The following TMEM178B variants were observed in gnomAD, a reference collection of about 807,000 sequenced individuals.
TMEM178B encodes transmembrane protein 178B.
Under a neutral mutation model 31.0 loss-of-function variants are expected in TMEM178B, and 5 were observed. That is an observed-to-expected ratio of 0.16 (90% CI 0.08 to 0.34). The LOEUF (loss-of-function observed/expected upper bound fraction) is 0.34. Ranked by LOEUF, TMEM178B falls within the 10% of genes least tolerant of loss-of-function variation. TMEM178B has a pLI of 1.00. For synonymous variants in TMEM178B, 164 were observed against 164.0 expected (o/e 1.00, Z 0.00); for missense variants, 275 against 400.3 (o/e 0.69, Z 2.67).
chr7:141,223,827 CT>C (rs1797296048), intron 2 of TMEM178B, among the ~76,000 whole-genome samples: 1 of 152,156 alleles, frequency 6.6e-6, no homozygotes, highest in Non-Finnish European at 1.5e-5. Flanking sequence ...TTCTGTAAGT[CT>C]GTGTGATAGC....
chr7:141,236,845 C>A (rs1037001138), intron 2 of TMEM178B, among the ~76,000 whole-genome samples: 1 of 151,986 alleles, frequency 6.6e-6, no homozygotes, highest in African/African-American at 2.4e-5. Flanking sequence ...ACTGTGCAGG[C>A]CAAAAAGTAA....
intron 1 of TMEM178B, among the ~76,000 whole-genome samples, chr7:141,168,559 G>A (rs1796297081): frequency 6.6e-6 from 1 of 152,188 alleles, no homozygotes; most frequent in South Asian, 2.1e-4. Flanking sequence ...AACACTTGAG[G>A]TCAGGAGTTT....
chr7:141,216,849 G>A (rs1475307818), intron 2 of TMEM178B, among the ~76,000 whole-genome samples: 1 of 152,064 alleles, frequency 6.6e-6, no homozygotes, highest in African/African-American at 2.4e-5. Context: ...CTGGGGTGCA[G>A]TGCAAAGCGA....
At chr7:141,205,945 C>T (rs916718557) in intron 1 of TMEM178B, among the ~76,000 whole-genome samples, 3 of 152,196 alleles carry the variant, frequency 2.0e-5, no homozygotes, top group South Asian at 2.1e-4. Flanking sequence ...TTCCATACAT[C>T]AGAGCTCTTG....
chr7:141,110,453 T>C (rs1269650864), intron 1 of TMEM178B, among the ~76,000 whole-genome samples: 3 of 152,200 alleles, frequency 2.0e-5, no homozygotes, highest in Admixed American at 1.3e-4. Flanking sequence ...GAGGCAGCAT[T>C]TGGAGAACCA....
intron 1 of TMEM178B, among the ~76,000 whole-genome samples, chr7:141,083,273 C>T (rs1293932152): frequency 4.6e-5 from 7 of 152,016 alleles, no homozygotes; most frequent in Non-Finnish European, 1.0e-4. Flanking sequence ...TTGCTGTTTT[C>T]GAGAGAATTC....
At chr7:141,284,032 C>T (rs536710988) in intron 2 of TMEM178B, among the ~76,000 whole-genome samples, 2 of 152,358 alleles carry the variant, frequency 1.3e-5, no homozygotes, top group African/African-American at 4.8e-5. Context: ...ATGCCTGCTG[C>T]ATGGCTGTTG....
intron 1 of TMEM178B, among the ~76,000 whole-genome samples, chr7:141,144,645 C>T (rs1795823350): frequency 6.6e-6 from 1 of 152,056 alleles, no homozygotes; most frequent in Non-Finnish European, 1.5e-5. Context: ...TTGCAGAGAG[C>T]AGGACTCTAA....
intron 2 of TMEM178B, among the ~76,000 whole-genome samples, chr7:141,290,858 A>G (rs1798534083): frequency 6.6e-6 from 1 of 152,190 alleles, no homozygotes; most frequent in Non-Finnish European, 1.5e-5. Flanking sequence ...GATGGCTGGG[A>G]ATAGTGACCA....
rs1346292518 is a variant in TMEM178B, at chr7:141,112,525, A to T, written c.382+37833A>T. Among the ~76,000 whole-genome samples the T allele has an allele frequency of 2.0e-5, 3 of 152,252 alleles. No homozygotes were observed. The East Asian group carries it at 5.8e-4, about 29-fold the overall frequency. Reference sequence around the variant, plus strand: ...TGCCTTGGCTTCCCAAAGTTCTGAGATAACAGGCATGAGCCACCACGCCTA... The same window carrying T: ...TGCCTTGGCTTCCCAAAGTTCTGAGTTAACAGGCATGAGCCACCACGCCTA... On this transcript the variant is annotated intron_variant, in intron 1 of 3. Transcript: ENST00000565468.
At chr7:141,316,641 T>C (rs972391307) in intron 2 of TMEM178B, among the ~76,000 whole-genome samples, 1 of 152,178 alleles carries the variant, frequency 6.6e-6, no homozygotes, top group Admixed American at 6.5e-5. Flanking sequence ...CATTTGCAAG[T>C]ATCTATTGAG....
At chr7:141,162,116 C>A (rs4726358) in intron 1 of TMEM178B, among the ~76,000 whole-genome samples, 111,590 of 152,084 alleles carry the variant, frequency 0.73, 41,623 homozygotes, top group African/African-American at 0.84. Context: ...TTGGCCAGCT[C>A]CCCTAGGATT....
At chr7:141,331,785 A>G (rs955757509) in intron 2 of TMEM178B, among the ~76,000 whole-genome samples, 2 of 152,186 alleles carry the variant, frequency 1.3e-5, no homozygotes, top group African/African-American at 2.4e-5. Flanking sequence ...CTATCTGCTG[A>G]ACCTTCAGAA....
rs116754487 is a variant in TMEM178B, at chr7:141,347,209, G to T, written c.497-90399G>T. Reference sequence around the variant, plus strand: ...TAGTTCTTGACAGCAGTGCGAGAACGAGAACAGCCTAATATACTCATAAAG... The same window carrying T: ...TAGTTCTTGACAGCAGTGCGAGAACTAGAACAGCCTAATATACTCATAAAG... On this transcript the variant is annotated intron_variant, in intron 2 of 3. Coordinates refer to ENST00000565468, the MANE Select transcript of TMEM178B (RefSeq NM_001195278.2). Among the ~76,000 whole-genome samples the T allele has an allele frequency of 2.6e-3, 391 of 152,224 alleles. 3 individuals are homozygous for T. Among genetic ancestry groups the T allele is most frequent in the African/African-American group, 9.1e-3 (378 of 41,508 alleles).
chr7:141,358,598 C>G lies in TMEM178B; in HGVS notation c.497-79010C>G, dbSNP rs115476392. Among the ~76,000 whole-genome samples, 926 of 152,200 alleles carry G rather than the reference C, an allele frequency of 6.1e-3. 6 individuals are homozygous for G. The highest frequency in any genetic ancestry group is 0.021 in the African/African-American group (889 of 41,530). ...TTCTCAGTCCCATGAAAACTCATTACATAAATTAAAAAACCATTGAGCTCT... is the reference window on the plus strand; with the variant it reads ...TTCTCAGTCCCATGAAAACTCATTAGATAAATTAAAAAACCATTGAGCTCT... On this transcript the variant is annotated intron_variant, in intron 2 of 3. Transcript: ENST00000565468.
chr7:141,461,951 C>T lies in TMEM178B; in HGVS notation c.635-8585C>T, dbSNP rs955400200. Among the ~76,000 whole-genome samples the T allele has an allele frequency of 6.6e-6, 1 of 152,148 alleles. No homozygotes were observed. Among genetic ancestry groups the T allele is most frequent in the Non-Finnish European group, 1.5e-5 (1 of 68,034 alleles). On this transcript the variant is annotated intron_variant, in intron 3 of 3. Transcript: ENST00000565468. The surrounding 1 kb of genome is among the most constrained non-coding windows in gnomAD (Gnocchi z 4.0). ...TTCAGGGTGGCAAAAATTAGCTGCTCCCCAACAGTGCTATCCCTACCTGGC... is the reference window on the plus strand; with the variant it reads ...TTCAGGGTGGCAAAAATTAGCTGCTTCCCAACAGTGCTATCCCTACCTGGC...
At chr7:141,426,605 T>C (rs767022118) in intron 2 of TMEM178B, among the ~76,000 whole-genome samples, 9 of 152,032 alleles carry the variant, frequency 5.9e-5, no homozygotes, top group Non-Finnish European at 1.2e-4. Context: ...CAGCTTGTTG[T>C]GACTAAAGCA....
intron 1 of TMEM178B, among the ~76,000 whole-genome samples, chr7:141,087,612 C>T (rs1454783730): frequency 3.3e-5 from 5 of 152,024 alleles, no homozygotes; most frequent in East Asian, 3.9e-4. Flanking sequence ...GATAATTCAG[C>T]GAGAACTAGT....
At chr7:141,261,263 T>C (rs552514366) in intron 2 of TMEM178B, among the ~76,000 whole-genome samples, 1 of 152,180 alleles carries the variant, frequency 6.6e-6, no homozygotes, top group African/African-American at 2.4e-5. Flanking sequence ...TATTAAGAGG[T>C]GGTTCTACTT....
Sources: allele counts gnomAD v4.1 joint callset (sites outside exome capture counted in the v4.1 genomes callset), GRCh38; gene constraint gnomAD v4.1.1; non-coding constraint Gnocchi (gnomAD v3.1); transcripts MANE v1.5; gene names NCBI Gene and HGNC (gene_info 2026-07-23, HGNC 2026-07-21).